The following TUBB8 variants were observed in gnomAD, a reference collection of about 807,000 sequenced individuals.
TUBB8 encodes the protein tubulin beta 8 class VIII, also known as tubulin beta-8 chain.
Under a neutral mutation model 33.7 loss-of-function variants are expected in TUBB8, and 25 were observed. The observed-to-expected ratio is 0.74, with a 90% confidence interval of 0.54 to 1.04. The LOEUF is 1.04. TUBB8 is among the 50% of genes least tolerant of loss of function. The pLI is 0.00. For missense variants in TUBB8, 279 were observed against 608.0 expected, an observed-to-expected ratio of 0.46 and a Z score of 5.69; for synonymous variants, 245 against 240.1, an observed-to-expected ratio of 1.02 and a Z score of -0.19.
chr10:63,911 C>A (rs1387394629), intron 1 of TUBB8, among the ~76,000 whole-genome samples: 1 of 152,090 alleles, frequency 6.6e-6, no homozygotes, highest in Non-Finnish European at 1.5e-5. Context: ...ACAGTCTGGG[C>A]TTGTTGGTGC....
rs560537449 is a variant in TUBB8, at chr10:64,691, C to G, written c.-846+9278G>C. ...TGCACTTCCTCTCACACATACACAT[C>G]AACACACTCACATATGCATACCCCT... On this transcript the variant is annotated intron_variant, in intron 1 of 3. Transcript: ENST00000564130. Among the ~76,000 whole-genome samples, 51 of 152,354 alleles carry G rather than the reference C, an allele frequency of 3.3e-4. No individual in the cohort carries two copies. The South Asian group carries it at 0.01, about 30-fold the overall frequency.
rs368584147 is a variant in TUBB8 at position 60,668 on chromosome 10, T to C, written c.-845-10435A>G. 1.6e-3 allele frequency among the ~76,000 whole-genome samples: 237 copies of C among 152,284 alleles called. 1 individual carries two copies. Among genetic ancestry groups the C allele is most frequent in the Middle Eastern group, 3.4e-3 (1 of 294 alleles). On this transcript the variant is annotated intron_variant, in intron 1 of 3. Coordinates refer to the TUBB8 transcript ENST00000564130. ...TCAACCATTGTGGAAGTCAGTGTGGTGATTCCTCAGGGATCTAGAACTAGA... is the reference window on the plus strand; with the variant it reads ...TCAACCATTGTGGAAGTCAGTGTGGCGATTCCTCAGGGATCTAGAACTAGA...
At chr10:51,615 A>G (rs545800373), upstream of TUBB8, among the ~76,000 whole-genome samples, 25 of 152,136 alleles carry the variant, frequency 1.6e-4, no homozygotes, top group African/African-American at 6.0e-4. Context: ...CAGAAAGACT[A>G]GAAGCACCTG....
intron 1 of TUBB8, among the ~76,000 whole-genome samples, chr10:66,459 G>C (rs1249935012): frequency 6.6e-6 from 1 of 152,156 alleles, no homozygotes; most frequent in Non-Finnish European, 1.5e-5. Context: ...GGCCAGTCCG[G>C]CCAACACAGG....
intron 1 of TUBB8, among the ~76,000 whole-genome samples, chr10:68,631 G>A (rs1423337684): frequency 6.6e-6 from 1 of 152,154 alleles, no homozygotes; most frequent in Admixed American, 6.5e-5. Context: ...ATACTTCTAG[G>A]AATCTTGCAA....
chr10:47,287 CA>C lies in TUBB8; in HGVS notation c.1104del (p.Ile368MetfsTer48). The C allele has an allele frequency of 6.2e-7, 1 of 1,613,830 alleles. No individual in the cohort carries two copies. Among genetic ancestry groups the C allele is most frequent in the Non-Finnish European group, 8.5e-7 (1 of 1,180,032 alleles). ...PRGLKMSATF[I>X]GNNTAIQELF... ...AGTTCCTGGATGGCCGTATTATTCCCAATGAAGGTGGCTGACATTTTTAGCC... is the reference window on the plus strand; with the variant it reads ...AGTTCCTGGATGGCCGTATTATTCCCATGAAGGTGGCTGACATTTTTAGCC... On this transcript the variant is annotated frameshift_variant, in exon 4 of 4. Coordinates refer to ENST00000568584, the MANE Select transcript of TUBB8 (RefSeq NM_177987.3). LOFTEE classifies it high-confidence loss of function.
intron 1 of TUBB8, among the ~76,000 whole-genome samples, chr10:59,121 G>A (rs1332319095): frequency 6.6e-6 from 1 of 152,094 alleles, no homozygotes; most frequent in Non-Finnish European, 1.5e-5. Flanking sequence ...TTTTCAAAGG[G>A]TTTATTATTA....
intron 1 of TUBB8, among the ~76,000 whole-genome samples, chr10:64,532 C>T (rs1344450856): frequency 2.6e-5 from 4 of 152,226 alleles, no homozygotes; most frequent in Middle Eastern, 3.4e-3. Flanking sequence ...TTAACCCTAA[C>T]ACTAACCATC....
At chr10:72,133 G>T (rs2130953263) in intron 1 of TUBB8, among the ~76,000 whole-genome samples, 1 of 151,922 alleles carries the variant, frequency 6.6e-6, no homozygotes, top group South Asian at 2.1e-4. Context: ...GCTGAGGTAG[G>T]AGAATTGCTT....
chr10:64,306 C>CA (rs1296251484), intron 1 of TUBB8, among the ~76,000 whole-genome samples: 1 of 132,526 alleles, frequency 7.5e-6, no homozygotes, highest in Non-Finnish European at 1.7e-5. Context: ...ACCCTAACCC[C>CA]AAACCCTAAC....
chr10:76,277 G>C (rs35942159), upstream of TUBB8, among the ~76,000 whole-genome samples: 1 of 151,958 alleles, frequency 6.6e-6, no homozygotes, highest in Non-Finnish European at 1.5e-5. Flanking sequence ...CCTCTCCGGG[G>C]ACCAGGGTCT....
intron 1 of TUBB8, among the ~76,000 whole-genome samples, chr10:57,381 C>T (rs1691775886): frequency 6.6e-6 from 1 of 152,212 alleles, no homozygotes; most frequent in Non-Finnish European, 1.5e-5. Flanking sequence ...TGTAACTCTA[C>T]ATTTCTTCTC....
chr10:67,142 GTTTTTTTGTTGTTTTTT>G (rs1224079385), intron 1 of TUBB8, among the ~76,000 whole-genome samples: 8 of 92,016 alleles, frequency 8.7e-5, no homozygotes, highest in African/African-American at 3.8e-4. Context: ...GAGTTGTTTT[GTTTTTTTGTTGTTTTTT>G]TTTTTTTGAC....
intron 1 of TUBB8, among the ~76,000 whole-genome samples, chr10:73,569 G>C (rs1266716550): frequency 1.3e-5 from 2 of 152,008 alleles, no homozygotes; most frequent in Non-Finnish European, 2.9e-5. Flanking sequence ...CTTGAACCCA[G>C]GAGGCGGAGG....
chr10:56,564 G>A (rs1834533359), intron 1 of TUBB8, among the ~76,000 whole-genome samples: 1 of 152,254 alleles, frequency 6.6e-6, no homozygotes, highest in African/African-American at 2.4e-5. Context: ...CACATCACGT[G>A]GTAAGTGCAA....
chr10:47,076 G>A lies in TUBB8; in HGVS notation c.1316C>T (p.Ala439Val). The change falls in exon 4 of 4, where the codon GCC becomes GTC. Residue 439 changes from alanine (A) to valine (V), a missense_variant. This residue lies in a region of TUBB8 where 123 missense variants were observed against 228.9 expected (regional missense o/e 0.54). Coordinates refer to ENST00000568584, the MANE Select transcript of TUBB8 (RefSeq NM_177987.3). ...AGAGTTCTAGGCCACCTCCTCCTCG[G>A]CATACTCCTCATCCTCCTCCTCCTC... ...TAEEEEDEEY[A>V]EEEVA 1 of 1,256,198 alleles carries A rather than the reference G, an allele frequency of 8.0e-7. No individual in the cohort carries two copies. The highest frequency in any genetic ancestry group is 1.2e-5 in the South Asian group (1 of 81,414). The allele number at this position is 1,256,198 out of a possible 1,614,324, so 77.8% of individuals were successfully genotyped here.
intron 1 of TUBB8, among the ~76,000 whole-genome samples, chr10:62,611 T>C (rs1554741046): frequency 6.7e-6 from 1 of 150,346 alleles, no homozygotes; most frequent in African/African-American, 2.5e-5. Flanking sequence ...TGACTTCTTA[T>C]TGCTCATTCA....
chr10:48,436 A>G (rs1834400794), intron 3 of TUBB8, 179 bp downstream of exon 3: 3 of 686,138 alleles, frequency 4.4e-6, no homozygotes, highest in Non-Finnish European at 5.2e-6. Flanking sequence ...TTGAGGAGAC[A>G]CCAGGGCCTT....
chr10:50,731 T>G (rs1167461595), upstream of TUBB8, among the ~76,000 whole-genome samples: 8 of 152,224 alleles, frequency 5.3e-5, no homozygotes, highest in African/African-American at 1.9e-4. Context: ...TTTTAAATTC[T>G]TTCCCAACTG....
Sources: allele counts gnomAD v4.1 joint callset (sites outside exome capture counted in the v4.1 genomes callset), GRCh38; gene constraint gnomAD v4.1.1; regional missense constraint gnomAD v4.1.1; transcripts MANE v1.5; gene names NCBI Gene and HGNC (gene_info 2026-07-23, HGNC 2026-07-21).